The following PTER variants were observed in gnomAD, a reference collection of about 807,000 sequenced individuals.
PTER encodes the protein phosphotriesterase related, also known as N-acetyltaurine hydrolase.
In PTER, 38 loss-of-function variants were observed where a neutral mutation model predicts 29.6. The ratio of observed to expected loss-of-function variants is 1.28; its 90% CI spans 0.99 to 1.68. The LOEUF (loss-of-function observed/expected upper bound fraction) is 1.68. Among genes scored for constraint, PTER ranks in the 40% most tolerant of loss-of-function variants. The pLI is 0.00. For synonymous variants in PTER, 172 were observed against 154.5 expected, an observed-to-expected ratio of 1.11 and a Z score of -0.84; for missense variants, 482 against 427.8, an observed-to-expected ratio of 1.13 and a Z score of -1.12.
At chr10:16,467,645 C>G (rs908407694) in intron 1 of PTER, among the ~76,000 whole-genome samples, 2 of 152,058 alleles carry the variant, frequency 1.3e-5, no homozygotes, top group African/African-American at 4.8e-5. Context: ...AACGCAGTCT[C>G]TACTAAAAAT....
At chr10:16,509,070 A>G (rs76616540) in intron 4 of PTER, among the ~76,000 whole-genome samples, 79 of 152,256 alleles carry the variant, frequency 5.2e-4, no homozygotes, top group African/African-American at 1.6e-3. Flanking sequence ...TCTCTCTAAT[A>G]TTTGTTTGCA....
At chr10:16,437,557 C>G (rs1833694999) in intron 1 of PTER, 1 of 152,120 alleles carries the variant, frequency 6.6e-6, no homozygotes, top group Non-Finnish European at 1.5e-5. Context: ...GTTGCCCAGG[C>G]TGGTTTCGAA....
At chr10:16,490,575 G>A (rs10508512) in intron 3 of PTER, among the ~76,000 whole-genome samples, 19,235 of 151,630 alleles carry the variant, frequency 0.13, 1,542 homozygotes, top group East Asian at 0.36. Flanking sequence ...TGTCCCGCGA[G>A]CAAGTAAGTG....
intron 1 of PTER, among the ~76,000 whole-genome samples, chr10:16,446,051 G>T (rs1181917564): frequency 6.6e-6 from 1 of 152,118 alleles, no homozygotes; most frequent in East Asian, 1.9e-4. Context: ...TTTCTCCTGT[G>T]TGCCAGATAT....
chr10:16,472,608 A>C (rs1835095015), intron 1 of PTER, among the ~76,000 whole-genome samples: 1 of 152,134 alleles, frequency 6.6e-6, no homozygotes, highest in African/African-American at 2.4e-5. Context: ...TTCCTTTATA[A>C]ATTACCCAGT....
At chr10:16,460,960 A>C (rs1330086519) in intron 1 of PTER, among the ~76,000 whole-genome samples, 1 of 152,126 alleles carries the variant, frequency 6.6e-6, no homozygotes, top group Non-Finnish European at 1.5e-5. Context: ...CAGGTGATCC[A>C]CCTGCTTCAG....
intron 1 of PTER, among the ~76,000 whole-genome samples, chr10:16,444,375 G>A (rs1833947580): frequency 6.6e-6 from 1 of 151,504 alleles, no homozygotes; most frequent in Non-Finnish European, 1.5e-5. Context: ...TGAGCTTCTG[G>A]GCTAAAGCGA....
At chr10:16,455,967 A>C (rs1834380268) in intron 1 of PTER, among the ~76,000 whole-genome samples, 1 of 152,110 alleles carries the variant, frequency 6.6e-6, no homozygotes, top group Admixed American at 6.5e-5. Flanking sequence ...GAAACCGAGC[A>C]TCTAAGTAAT....
In PTER at chr10:16,511,430, C is replaced by G; in HGVS notation, c.*174C>G. On this transcript the variant is annotated 3_prime_UTR_variant, in exon 5 of 5. Transcript: ENST00000535784. The stretch of plus-strand genomic sequence containing the variant: ...GAGACCAGCTATTACAACTGTGCCT[C>G]TAGGGAGTTACTCAGCCTAATTGAG... The G allele has an allele frequency of 1.6e-6, 1 of 620,920 alleles. No homozygotes were observed. Among genetic ancestry groups the G allele is most frequent in the Admixed American group, 2.8e-5 (1 of 35,308 alleles). The allele number at this position is 620,920 out of a possible 1,614,324, so 38.5% of individuals were successfully genotyped here.
intron 1 of PTER, among the ~76,000 whole-genome samples, chr10:16,441,336 T>G (rs368236722): frequency 2.0e-4 from 30 of 152,344 alleles, no homozygotes; most frequent in African/African-American, 6.0e-4. Context: ...ATTTTGTCAC[T>G]GAAGGACATT....
intron 1 of PTER, among the ~76,000 whole-genome samples, chr10:16,469,580 G>A (rs1362625965): frequency 6.6e-6 from 1 of 152,136 alleles, no homozygotes. Flanking sequence ...GTGTGGGTGA[G>A]GCAGGAGTCT....
At chr10:16,473,999 C>T (rs1183241559) in intron 1 of PTER, among the ~76,000 whole-genome samples, 6 of 152,212 alleles carry the variant, frequency 3.9e-5, no homozygotes, top group African/African-American at 4.8e-5. Flanking sequence ...GGGCAGATCA[C>T]GAGGTCAGGA....
chr10:16,484,366 C>G lies in PTER; in HGVS notation c.-19C>G. 1 of 1,555,728 alleles carries G rather than the reference C, an allele frequency of 6.4e-7. No individual in the cohort carries two copies. The highest frequency in any genetic ancestry group is 2.2e-5 in the East Asian group (1 of 44,522). On this transcript the variant is annotated 5_prime_UTR_variant, in exon 2 of 5. Transcript: ENST00000535784. Reference sequence around the variant, plus strand: ...AAGAAATCCTCTTTTTAGAACATCTCTTGGTGGTACCATCAGAAATGTCTT... The same window carrying G: ...AAGAAATCCTCTTTTTAGAACATCTGTTGGTGGTACCATCAGAAATGTCTT...
intron 1 of PTER, among the ~76,000 whole-genome samples, chr10:16,465,215 A>G (rs181353943): frequency 8.8e-4 from 133 of 151,292 alleles, no homozygotes; most frequent in African/African-American, 3.1e-3. Flanking sequence ...ATGAATATAT[A>G]AAAACGATGA....
At chr10:16,509,684 T>C (rs1836735146) in intron 4 of PTER, among the ~76,000 whole-genome samples, 1 of 152,198 alleles carries the variant, frequency 6.6e-6, no homozygotes, top group Non-Finnish European at 1.5e-5. Flanking sequence ...TCTTAGATAA[T>C]TCCCCTAAAC....
In PTER at chr10:16,511,423, T is replaced by G. The variant is rs951651554; in HGVS notation, c.*167T>G. The G allele has an allele frequency of 3.1e-6, 2 of 643,000 alleles. No homozygotes were observed. Among genetic ancestry groups the G allele is most frequent in the African/African-American group, 3.6e-5 (2 of 54,956 alleles). 39.8% of individuals were successfully genotyped at this position (643,000 alleles called of 1,614,324 possible). Reference sequence around the variant, plus strand: ...CTTCTCTGAGACCAGCTATTACAACTGTGCCTCTAGGGAGTTACTCAGCCT... The same window carrying G: ...CTTCTCTGAGACCAGCTATTACAACGGTGCCTCTAGGGAGTTACTCAGCCT... On this transcript the variant is annotated 3_prime_UTR_variant, in exon 5 of 5. Transcript: ENST00000535784.
intron 1 of PTER, among the ~76,000 whole-genome samples, chr10:16,461,227 C>G (rs1199685302): frequency 6.6e-6 from 1 of 151,886 alleles, no homozygotes; most frequent in Non-Finnish European, 1.5e-5. Flanking sequence ...ACTAGAGGAA[C>G]CTTTCTAAAT....
chr10:16,514,760 C>CT (rs202178157), downstream of PTER: 2,152 of 1,420,692 alleles, frequency 1.5e-3, 17 homozygotes, highest in African/African-American at 0.022. Flanking sequence ...CTCAAGTTTT[C>CT]TTTTTTGCCA....
intron 1 of PTER, among the ~76,000 whole-genome samples, chr10:16,479,500 T>C (rs1483648996): frequency 6.6e-6 from 1 of 151,374 alleles, no homozygotes; most frequent in Non-Finnish European, 1.5e-5. Flanking sequence ...AAAAAAAGGA[T>C]GCATTTAAAA....
Sources: allele counts gnomAD v4.1 joint callset (sites outside exome capture counted in the v4.1 genomes callset), GRCh38; gene constraint gnomAD v4.1.1; transcripts MANE v1.5; gene names NCBI Gene and HGNC (gene_info 2026-07-23, HGNC 2026-07-21).